The following TASOR2 variants were observed in gnomAD, a reference collection of about 807,000 sequenced individuals.
TASOR2 encodes the protein protein TASOR 2.
TASOR2 carries 84 observed loss-of-function variants against 199.5 expected under a neutral mutation model. The ratio of observed to expected loss-of-function variants is 0.42; its 90% CI spans 0.35 to 0.50. TASOR2 has a LOEUF of 0.50. Among genes scored for constraint, TASOR2 ranks in the 20% least tolerant of loss-of-function variants. The pLI is 0.02. For synonymous variants in TASOR2, 1,103 were observed against 1,046.6 expected (o/e 1.05, Z -1.04); for missense variants, 2,796 against 2,835.9 (o/e 0.99, Z 0.32).
chr10:5,762,723 G>GAAAC lies in TASOR2; in HGVS notation c.7289+79_7289+82dup, dbSNP rs913677547. 1.1e-4 allele frequency: 86 copies of GAAAC among 774,252 alleles called. No individual in the cohort carries two copies. The African/African-American group carries it at 1.4e-3, about 13-fold the overall frequency. 48.0% of individuals were successfully genotyped at this position (774,252 alleles called of 1,614,324 possible). A position where few individuals can be genotyped will look rare whatever the true frequency, so the allele number is the denominator to read the frequency against. Reference sequence around the variant, plus strand: ...CAAATATTGACATTTGTGTCTAAGGGAAACAGTTGGGAAACTGTTGTTTAC... The same window carrying GAAAC: ...CAAATATTGACATTTGTGTCTAAGGGAAACAAACAGTTGGGAAACTGTTGTTTAC... On this transcript the variant is annotated intron_variant, in intron 20 of 20. Transcript: ENST00000328090.
rs1835937483 is a variant in TASOR2 at position 5,687,574 on chromosome 10, C to T, written c.-288+2399C>T. 6.6e-6 allele frequency among the ~76,000 whole-genome samples: 1 copy of T among 152,240 alleles called. No homozygotes were observed. The highest frequency in any genetic ancestry group is 1.5e-5 in the Non-Finnish European group (1 of 68,044). On this transcript the variant is annotated intron_variant, in intron 1 of 20. Transcript: ENST00000328090. This position sits in a 1 kb window ranked among gnomAD's most constrained non-coding sequence, Gnocchi z 4.8. ...GTGGCCCACGCCTGTAATCCCAGCA[C>T]TTTGGGAGGCCAAGGCAGGTGGATC...
chr10:5,685,336 C>T lies in TASOR2; in HGVS notation c.-288+161C>T, dbSNP rs1277196873. ...GGTGAGGGGGTGGGAGGGGTCGGCGCCTTCTAGATGACTCAACCTTCTGTC... is the reference window on the plus strand; with the variant it reads ...GGTGAGGGGGTGGGAGGGGTCGGCGTCTTCTAGATGACTCAACCTTCTGTC... On this transcript the variant is annotated intron_variant, in intron 1 of 20. Coordinates refer to ENST00000328090, the Ensembl canonical transcript of TASOR2. The surrounding 1 kb of genome is among the most constrained non-coding windows in gnomAD (Gnocchi z 5.4). Among the ~76,000 whole-genome samples, 1 of 152,058 alleles carries T rather than the reference C, an allele frequency of 6.6e-6. No individual in the cohort carries two copies. The highest frequency in any genetic ancestry group is 1.9e-4 in the East Asian group (1 of 5,186).
Position 5,756,792 on chromosome 10 carries a change from G to A in TASOR2, c.6732+54G>A, listed in dbSNP as rs1564370011. 4.4e-6 allele frequency: 7 copies of A among 1,579,030 alleles called. No individual in the cohort carries two copies. In the East Asian group the frequency reaches 9.1e-5, roughly 20 times the overall value. Reference sequence around the variant, plus strand: ...GTATTCCAGGCACATAAGTTGTTCTGTAATGCTCAGACTCATCCCTCTTTT... The same window carrying A: ...GTATTCCAGGCACATAAGTTGTTCTATAATGCTCAGACTCATCCCTCTTTT... On this transcript the variant is annotated intron_variant, in intron 16 of 20. Transcript: ENST00000328090.
exon 8 of TASOR2, chr10:5,724,448 G>A (rs972693853): frequency 5.2e-6 from 8 of 1,536,728 alleles, no homozygotes; most frequent in Non-Finnish European, 7.0e-6. Context: ...CAAGATTTGT[G>A]CTTCAATTTG....
chr10:5,758,648 CCA>C (rs1839322066), intron 17 of TASOR2, among the ~76,000 whole-genome samples: 1 of 152,224 alleles, frequency 6.6e-6, no homozygotes, highest in Non-Finnish European at 1.5e-5. Flanking sequence ...GGTGACCACT[CCA>C]CTGTGTTCGT....
Position 5,687,580 on chromosome 10 carries a change from G to A in TASOR2, c.-288+2405G>A, listed in dbSNP as rs1835937742. Among the ~76,000 whole-genome samples, 1 of 152,250 alleles carries A rather than the reference G, an allele frequency of 6.6e-6. No homozygotes were observed. The highest frequency in any genetic ancestry group is 6.5e-5 in the Admixed American group (1 of 15,284). On this transcript the variant is annotated intron_variant, in intron 1 of 20. Coordinates refer to ENST00000328090, the Ensembl canonical transcript of TASOR2. This position sits in a 1 kb window ranked among gnomAD's most constrained non-coding sequence, Gnocchi z 4.8. Reference sequence around the variant, plus strand: ...CACGCCTGTAATCCCAGCACTTTGGGAGGCCAAGGCAGGTGGATCACTTGA... The same window carrying A: ...CACGCCTGTAATCCCAGCACTTTGGAAGGCCAAGGCAGGTGGATCACTTGA...
In TASOR2 at chr10:5,685,178, A is replaced by G. The variant is rs923083660; in HGVS notation, c.-288+3A>G. The G allele has an allele frequency of 1.8e-5, 7 of 397,888 alleles. No individual in the cohort carries two copies. In the Admixed American group the frequency reaches 1.8e-4, roughly 10 times the overall value. 24.6% of individuals were successfully genotyped at this position (397,888 alleles called of 1,614,324 possible). The stretch of plus-strand genomic sequence containing the variant: ...GGCGGCGGCCACGCCAAGGACGGGT[A>G]AGTCCCTCCTCGGCCTGGGCGCCCG... On this transcript the variant is annotated splice_donor_region_variant and intron_variant, in intron 1 of 20. Transcript: ENST00000328090. The surrounding 1 kb of genome is among the most constrained non-coding windows in gnomAD (Gnocchi z 5.4).
chr10:5,716,740 C>T (rs950552475), intron 2 of TASOR2, among the ~76,000 whole-genome samples: 1 of 151,932 alleles, frequency 6.6e-6, no homozygotes, highest in African/African-American at 2.4e-5. Flanking sequence ...CATGGCCAAA[C>T]CCCGTCTCTA....
At chr10:5,707,724 TTTCACACACACACACACACACA>T (rs1838825915) in intron 1 of TASOR2, among the ~76,000 whole-genome samples, 1 of 119,562 alleles carries the variant, frequency 8.4e-6, no homozygotes, top group Non-Finnish European at 1.7e-5. Context: ...CCTCACTCAT[TTTCACACACACACACACACACA>T]CACACACACA....
rs1171692995 is a variant in TASOR2, at chr10:5,751,722, A to G, written c.6606+1695A>G. Among the ~76,000 whole-genome samples the G allele has an allele frequency of 1.3e-5, 2 of 152,200 alleles. No homozygotes were observed. The highest frequency in any genetic ancestry group is 2.9e-5 in the Non-Finnish European group (2 of 68,030). The stretch of plus-strand genomic sequence containing the variant: ...AGAATGGCATTTAGAACCACCATCT[A>G]GGCACTGCGTGAATGAACTCAGTGT... On this transcript the variant is annotated intron_variant, in intron 15 of 20. Coordinates refer to ENST00000328090, the Ensembl canonical transcript of TASOR2. The surrounding 1 kb of genome is among the most constrained non-coding windows in gnomAD (Gnocchi z 5.3).
rs944539996 is a variant in TASOR2, at chr10:5,754,427, T to C, written c.6607-2186T>C. Among the ~76,000 whole-genome samples, 1 of 152,082 alleles carries C rather than the reference T, an allele frequency of 6.6e-6. No homozygotes were observed. Among genetic ancestry groups the C allele is most frequent in the Non-Finnish European group, 1.5e-5 (1 of 68,012 alleles). ...TAATTGAGATGAAGTTTTGCTCTTG[T>C]CGCCCAGGCTGGAGTGCAGTGGCGC... is the stretch of plus-strand genomic sequence containing the variant. On this transcript the variant is annotated intron_variant, in intron 15 of 20. Coordinates refer to ENST00000328090, the Ensembl canonical transcript of TASOR2. This position sits in a 1 kb window ranked among gnomAD's most constrained non-coding sequence, Gnocchi z 4.3.
At position 5,709,555 on chromosome 10, in the gene TASOR2, G is replaced by A. The variant is rs1010568667; in HGVS notation, c.-287-3268G>A. 3 of 1,230,546 alleles carry A rather than the reference G, an allele frequency of 2.4e-6. No individual in the cohort carries two copies. The African/African-American group carries it at 4.7e-5, about 19-fold the overall frequency. 76.2% of individuals were successfully genotyped at this position (1,230,546 alleles called of 1,614,324 possible). A position where few individuals can be genotyped will look rare whatever the true frequency, so the allele number is the denominator to read the frequency against. ...CATTTATGACATTAACAGAGAACAG[G>A]ACTATGTCAAGAATTCTGAGGGTAT... On this transcript the variant is annotated intron_variant, in intron 1 of 20. Coordinates refer to ENST00000328090, the Ensembl canonical transcript of TASOR2.
At chr10:5,725,772 C>T (rs573597164) in intron 8 of TASOR2, among the ~76,000 whole-genome samples, 21 of 152,174 alleles carry the variant, frequency 1.4e-4, no homozygotes, top group African/African-American at 5.1e-4. Flanking sequence ...CAGAGTGATA[C>T]CCTGTCTCTT....
At chr10:5,697,398 C>T (rs1837294159) in intron 1 of TASOR2, among the ~76,000 whole-genome samples, 1 of 152,184 alleles carries the variant, frequency 6.6e-6, no homozygotes, top group South Asian at 2.1e-4. Context: ...TTTCAGGTAT[C>T]TCCAGCAACT....
At chr10:5,763,453 T>G (rs1840182482) in exon 21 of TASOR2, 1 of 157,050 alleles carries the variant, frequency 6.4e-6, no homozygotes, top group African/African-American at 2.4e-5. Context: ...AACTATAATC[T>G]TAAATGGTTT....
In TASOR2 at chr10:5,685,049, T is replaced by G. The variant is rs1167655458; in HGVS notation, c.-414T>G. On this transcript the variant is annotated 5_prime_UTR_variant, in exon 1 of 21. Transcript: ENST00000328090. The surrounding 1 kb of genome is among the most constrained non-coding windows in gnomAD (Gnocchi z 5.4). ...CCCGCGGGAGCGCGGAGCCGGCGAC[T>G]GGTGCTTCCCACGTGCGCCGGTGTC... 2.5e-6 allele frequency: 1 copy of G among 397,820 alleles called. No individual in the cohort carries two copies. The highest frequency in any genetic ancestry group is 4.4e-6 in the Non-Finnish European group (1 of 225,568). 24.6% of individuals were successfully genotyped at this position (397,820 alleles called of 1,614,324 possible). A position where few individuals can be genotyped will look rare whatever the true frequency, so the allele number is the denominator to read the frequency against.
At chr10:5,736,392 TG>T (rs1250940749) in intron 12 of TASOR2, among the ~76,000 whole-genome samples, 1 of 149,900 alleles carries the variant, frequency 6.7e-6, no homozygotes, top group Non-Finnish European at 1.5e-5. Context: ...CACTCCAGTC[TG>T]GGCGACAGAG....
rs1484032804 is a variant in TASOR2, at chr10:5,706,441, T to C, written c.-287-6382T>C. On this transcript the variant is annotated intron_variant, in intron 1 of 20. Coordinates refer to ENST00000328090, the Ensembl canonical transcript of TASOR2. This position sits in a 1 kb window ranked among gnomAD's most constrained non-coding sequence, Gnocchi z 4.8. ...AAAGTTAGAAAGCCAGGCAGTAATA[T>C]CAGAGGGCACAAGCCCAGATTGAAG... 4.6e-5 allele frequency among the ~76,000 whole-genome samples: 7 copies of C among 152,110 alleles called. No homozygotes were observed. The highest frequency in any genetic ancestry group is 1.7e-4 in the African/African-American group (7 of 41,434).
intron 20 of TASOR2, 132 bp downstream of exon 21, chr10:5,762,778 G>T (rs2131671905): frequency 1.5e-6 from 1 of 675,976 alleles, no homozygotes. Context: ...TAAAGTGTTT[G>T]TTTAGGGGTG....
Sources: gnomAD v4.1 joint callset for allele counts (sites outside exome capture counted in the v4.1 genomes callset) on GRCh38, gnomAD v4.1.1 for gene constraint, Gnocchi (gnomAD v3.1) non-coding constraint, MANE v1.5 for transcripts, NCBI Gene and HGNC (gene_info 2026-07-23, HGNC 2026-07-21) for gene names.